Variants in CCDC18 observed in about 807,000 individuals in gnomAD.
The protein encoded by CCDC18 is coiled-coil domain containing 18.
Under a neutral mutation model 196.0 loss-of-function variants are expected in CCDC18, and 157 were observed. That is an observed-to-expected ratio of 0.80 (90% confidence interval 0.70 to 0.91). CCDC18 has a LOEUF of 0.91. Ranked by LOEUF, CCDC18 falls within the 40% of genes least tolerant of loss-of-function variation. The pLI is 0.00. For synonymous variants in CCDC18, 482 were observed against 529.2 expected (o/e 0.91, Z 1.22); for missense variants, 1,465 against 1,611.6 (o/e 0.91, Z 1.56).
chr1:93,254,619 G>A lies in CCDC18; in HGVS notation c.3342+5G>A. On this transcript the variant is annotated splice_donor_5th_base_variant and intron_variant, in intron 24 of 28. Coordinates refer to ENST00000690025, the MANE Select transcript of CCDC18 (RefSeq NM_001378204.1). ...AGGATGAAAGAAATGGAGAGTGTAA[G>A]CAAATTATTTCCACCTAAGGAACAA... is the stretch of plus-strand genomic sequence containing the variant. The A allele has an allele frequency of 6.2e-7, 1 of 1,605,784 alleles. No individual in the cohort carries two copies. Among genetic ancestry groups the A allele is most frequent in the Non-Finnish European group, 8.5e-7 (1 of 1,177,028 alleles).
At chr1:93,218,337 T>G (rs954018387) in intron 14 of CCDC18, among the ~76,000 whole-genome samples, 3 of 152,174 alleles carry the variant, frequency 2.0e-5, no homozygotes, top group Non-Finnish European at 2.9e-5. Flanking sequence ...CCTTATATAT[T>G]TTTTCCTATA....
At chr1:93,225,759 A>G (rs1658177925) in intron 16 of CCDC18, among the ~76,000 whole-genome samples, 1 of 150,292 alleles carries the variant, frequency 6.7e-6, no homozygotes, top group African/African-American at 2.5e-5. Context: ...CCTGGGCTAC[A>G]CAGCAAGACT....
rs1266919087 is a variant in CCDC18 at position 93,272,245 on chromosome 1, T to G, written c.4353+1431T>G. Among the ~76,000 whole-genome samples, 6 of 152,326 alleles carry G rather than the reference T, an allele frequency of 3.9e-5. No homozygotes were observed. In the East Asian group the frequency reaches 1.2e-3, roughly 29 times the overall value. Reference sequence around the variant, plus strand: ...TCCCCCACTGAAAATGTAAGCTCTGTGTGGAGAGGGTATGGTCATTTCGCT... The same window carrying G: ...TCCCCCACTGAAAATGTAAGCTCTGGGTGGAGAGGGTATGGTCATTTCGCT... On this transcript the variant is annotated intron_variant, in intron 28 of 28. Coordinates refer to ENST00000690025, the MANE Select transcript of CCDC18 (RefSeq NM_001378204.1).
chr1:93,217,810 G>A lies in CCDC18; in HGVS notation c.1903G>A (p.Glu635Lys). The A allele has an allele frequency of 6.2e-7, 1 of 1,612,630 alleles. No homozygotes were observed. The highest frequency in any genetic ancestry group is 8.5e-7 in the Non-Finnish European group (1 of 1,178,782). The change falls in exon 14 of 29, where the codon GAA (glutamate) becomes AAA (lysine). Residue 635 changes from glutamate (E) to lysine (K), a missense_variant. By Grantham distance (56) the Glu-to-Lys change is moderately conservative. Transcript: ENST00000690025. The stretch of plus-strand genomic sequence containing the variant: ...GCATGAGAAAATTTGTTTAGCCTTT[G>A]AAAAAGCAAAGAAAATTCACTTGGA... ...TEHEKICLAF[E>K]KAKKIHLEQH... is the part of the protein sequence containing the mutation.
chr1:93,202,155 C>T (rs1653936995), intron 7 of CCDC18, among the ~76,000 whole-genome samples, 167 bp downstream of exon 7: 1 of 152,092 alleles, frequency 6.6e-6, no homozygotes, highest in Non-Finnish European at 1.5e-5. Context: ...GGATGATGTT[C>T]ACCAACCCTT....
At chr1:93,272,962 G>A (rs1017380888) in intron 28 of CCDC18, among the ~76,000 whole-genome samples, 2 of 149,046 alleles carry the variant, frequency 1.3e-5, no homozygotes, top group African/African-American at 5.0e-5. Context: ...GGATAAAAAG[G>A]GGCAGTTCAT....
intron 17 of CCDC18, among the ~76,000 whole-genome samples, chr1:93,230,127 A>C (rs1659008235): frequency 6.6e-6 from 1 of 151,952 alleles, no homozygotes; most frequent in South Asian, 2.1e-4. Flanking sequence ...CAATTATAAA[A>C]TATTAAGTAC....
At chr1:93,180,008 T>G, upstream of CCDC18, 1 of 1,576,888 alleles carries the variant, frequency 6.3e-7, no homozygotes, top group South Asian at 1.1e-5. Context: ...GACAACGCAG[T>G]GCAGCTGGGT....
chr1:93,215,518 G>C lies in CCDC18; in HGVS notation c.1719+552G>C, dbSNP rs368255691. Among the ~76,000 whole-genome samples, 142 of 150,196 alleles carry C rather than the reference G, an allele frequency of 9.5e-4. 1 individual carries two copies. The highest frequency in any genetic ancestry group is 7.2e-3 in the South Asian group (34 of 4,754). On this transcript the variant is annotated intron_variant, in intron 12 of 28. Coordinates refer to ENST00000690025, the MANE Select transcript of CCDC18 (RefSeq NM_001378204.1). Reference sequence around the variant, plus strand: ...GTTGCCCAGTCTGGAGTGTGGTGGTGTGATCATAGCTCACTGTAGCTTTGA... The same window carrying C: ...GTTGCCCAGTCTGGAGTGTGGTGGTCTGATCATAGCTCACTGTAGCTTTGA...
At chr1:93,256,187 C>T (rs1401717410) in intron 24 of CCDC18, 148 bp from the exon 25 acceptor site, 5 of 652,834 alleles carry the variant, frequency 7.7e-6, no homozygotes, top group Non-Finnish European at 1.3e-5. Flanking sequence ...GTGGGTGATA[C>T]TCATTGTATG....
At position 93,184,098 on chromosome 1, in the gene CCDC18, T is replaced by G; in HGVS notation, c.255T>G (p.Cys85Trp). Residue 85 changes from cysteine to tryptophan, a missense_variant, in exon 3 of 29, where the codon TGT becomes TGG. Physicochemically the swap from Cys to Trp is radical, Grantham distance 215. Coordinates refer to ENST00000690025, the MANE Select transcript of CCDC18 (RefSeq NM_001378204.1). ...ATTATTCACCTTATGAAAACGTCTG[T>G]AAAATATCTGGTAGCAGCACTGATT... ...LLNYSPYENV[C>W]KISGSSTDFQ... 6.4e-7 allele frequency: 1 copy of G among 1,567,822 alleles called. No individual in the cohort carries two copies. The highest frequency in any genetic ancestry group is 8.7e-7 in the Non-Finnish European group (1 of 1,152,630).
intron 13 of CCDC18, among the ~76,000 whole-genome samples, chr1:93,217,170 G>A (rs1297037427): frequency 3.3e-5 from 5 of 151,900 alleles, no homozygotes; most frequent in Non-Finnish European, 7.4e-5. Flanking sequence ...TCCTGACCTC[G>A]TGATCCACCC....
chr1:93,227,038 T>C (rs1300781745), intron 17 of CCDC18, among the ~76,000 whole-genome samples: 1 of 152,052 alleles, frequency 6.6e-6, no homozygotes, highest in Admixed American at 6.6e-5. Flanking sequence ...ACCTTGAACA[T>C]TGTTTTAGAT....
intron 1 of CCDC18, among the ~76,000 whole-genome samples, chr1:93,181,159 T>TAAA (rs71094239): frequency 6.7e-5 from 6 of 89,856 alleles, no homozygotes; most frequent in South Asian, 5.5e-4. Flanking sequence ...TCTATAAAAT[T>TAAA]AAAAAAAAAA....
At chr1:93,231,620 T>G (rs1659250520) in intron 17 of CCDC18, among the ~76,000 whole-genome samples, 1 of 152,186 alleles carries the variant, frequency 6.6e-6, no homozygotes, top group South Asian at 2.1e-4. Flanking sequence ...TTTGGATTAC[T>G]AGGACAAAGG....
chr1:93,210,772 GT>G (rs1052676981), intron 9 of CCDC18, 29 bp from the exon 10 acceptor site: 2 of 1,537,268 alleles, frequency 1.3e-6, no homozygotes, highest in Non-Finnish European at 1.8e-6. Context: ...ATTTACATAA[GT>G]TTACATATGT....
At chr1:93,266,334 G>C (rs1157664453) in intron 27 of CCDC18, among the ~76,000 whole-genome samples, 35 of 152,164 alleles carry the variant, frequency 2.3e-4, no homozygotes. Flanking sequence ...GCCCACAAGA[G>C]AAAGCAGGAA....
chr1:93,275,897 A>G (rs892041310), intron 28 of CCDC18, among the ~76,000 whole-genome samples: 6 of 152,238 alleles, frequency 3.9e-5, no homozygotes, highest in African/African-American at 7.2e-5. Context: ...ATGAGTGACA[A>G]AAGTTTAAAA....
intron 3 of CCDC18, among the ~76,000 whole-genome samples, chr1:93,185,146 T>C (rs1650412854): frequency 6.6e-6 from 1 of 151,934 alleles, no homozygotes; most frequent in South Asian, 2.1e-4. Context: ...CATAATAAGA[T>C]AAATTCAAAG....
Sources: gnomAD v4.1 joint callset for allele counts (sites outside exome capture counted in the v4.1 genomes callset) on GRCh38, gnomAD v4.1.1 for gene constraint, MANE v1.5 for transcripts, NCBI Gene and HGNC (gene_info 2026-07-23, HGNC 2026-07-21) for gene names.